The following ZNF469 variants were observed in gnomAD, a reference collection of about 807,000 sequenced individuals.
ZNF469 encodes zinc finger protein 469.
Under a neutral mutation model 1.0 loss-of-function variants are expected in ZNF469, and 1 was observed. The observed-to-expected ratio is 1.00, with a 90% CI of 0.35 to 4.73. The LOEUF (loss-of-function observed/expected upper bound fraction) is 4.73, where lower values mean the gene tolerates loss of function less well. Among genes scored for constraint, ZNF469 ranks in the 30% most tolerant of loss-of-function variants. The pLI is 0.16. For missense variants in ZNF469, 6,100 were observed against 5,356.3 expected, an observed-to-expected ratio of 1.14 and a Z score of -4.33; for synonymous variants, 2,703 against 2,363.4, an observed-to-expected ratio of 1.14 and a Z score of -4.17.
the ZNF469 span, among the ~76,000 whole-genome samples, chr16:88,371,964 CACCATCACCACCATCAT>C: frequency 2.0e-5 from 3 of 148,704 alleles, no homozygotes; most frequent in African/African-American, 5.0e-5. Flanking sequence ...CCACCATCAT[CACCATCACCACCATCAT>C]CACCATCACC....
chr16:88,169,696 T>C, the ZNF469 span, among the ~76,000 whole-genome samples: 42 of 152,350 alleles, frequency 2.8e-4, no homozygotes, highest in African/African-American at 1.0e-3. The surrounding 1 kb of genome is among the most constrained non-coding windows in gnomAD (Gnocchi z 6.1). Flanking sequence ...CGTGCTTACA[T>C]TGGCCGTCTG....
intron 1 of ZNF469, among the ~76,000 whole-genome samples, chr16:88,411,960 C>T (rs577721084): frequency 1.3e-5 from 2 of 152,294 alleles, no homozygotes; most frequent in Admixed American, 6.5e-5. Flanking sequence ...GGAGCCCTGG[C>T]GTGGTGTCGC....
the ZNF469 span, among the ~76,000 whole-genome samples, chr16:88,373,263 C>T: frequency 2.3e-4 from 35 of 152,362 alleles, no homozygotes; most frequent in African/African-American, 8.2e-4. Context: ...CACAGTCACC[C>T]TGTGCCAGGG....
chr16:88,439,461 T>C lies in ZNF469; in HGVS notation c.*129T>C, dbSNP rs1458162288. 5.8e-6 allele frequency: 6 copies of C among 1,028,914 alleles called. No individual in the cohort carries two copies. Among genetic ancestry groups the C allele is most frequent in the Non-Finnish European group, 8.8e-6 (6 of 685,590 alleles). 63.7% of individuals were successfully genotyped at this position (1,028,914 alleles called of 1,614,324 possible). A position where few individuals can be genotyped will look rare whatever the true frequency, so the allele number is the denominator to read the frequency against. ...ACTTCTTGTGCAACTGCTCAGGCCT[T>C]GATGTCAGAGCTGAGGTGGTGATGC... On this transcript the variant is annotated 3_prime_UTR_variant, in exon 3 of 3. Coordinates refer to ENST00000565624, the MANE Select transcript of ZNF469 (RefSeq NM_001367624.2).
chr16:88,432,827 CCCA>C lies in ZNF469; in HGVS notation c.5360_5362del (p.His1787del), dbSNP rs902185185. On this transcript the variant is annotated inframe_deletion, in exon 3 of 3. Transcript: ENST00000565624. ...CCAGAGCCCGGCACAGCAGACCAGC[CCCA>C]CCGAGGGGCCCCTGCTCCAGAAGCT... 1.9e-6 allele frequency: 3 copies of C among 1,550,122 alleles called. No homozygotes were observed. In the African/African-American group the frequency reaches 4.1e-5, roughly 21 times the overall value.
In ZNF469 at chr16:88,428,901, C is replaced by A. The variant is rs1241291254; in HGVS notation, c.1431C>A (p.Pro477=). 6.5e-7 allele frequency: 1 copy of A among 1,547,034 alleles called. No homozygotes were observed. The highest frequency in any genetic ancestry group is 1.2e-5 in the South Asian group (1 of 83,928). Residue 477 remains proline, a synonymous_variant, in exon 3 of 3, where the codon CCC becomes CCA. Coordinates refer to ENST00000565624, the MANE Select transcript of ZNF469 (RefSeq NM_001367624.2). ...QPSPGQRLCL[P]QSAPLPWPQV... is the part of the protein sequence containing the mutation. ...GCCCAGGCCAGCGGCTCTGCCTCCC[C>A]CAGAGTGCCCCCCTGCCTTGGCCCC...
rs780044721 is a variant in ZNF469 at position 88,436,199 on chromosome 16, C to G, written c.8729C>G (p.Thr2910Arg). 6 of 1,548,008 alleles carry G rather than the reference C, an allele frequency of 3.9e-6. No individual in the cohort carries two copies. The highest frequency in any genetic ancestry group is 2.6e-6 in the Non-Finnish European group (3 of 1,146,862). ...ACGCTGGGCCCAGCCCGCCTGCCCA[C>G]GGACCTCAGCGACTCCAGCTCCCTC... ...DPTLGPARLPTDLSDSSSLCL... is the reference protein window; with the variant it reads ...DPTLGPARLPRDLSDSSSLCL... The change falls in exon 3 of 3, where the codon ACG becomes AGG. Residue 2910 changes from threonine (T) to arginine (R), a missense_variant. Transcript: ENST00000565624.
chr16:88,250,251 C>G, the ZNF469 span, among the ~76,000 whole-genome samples: 1 of 152,232 alleles, frequency 6.6e-6, no homozygotes, highest in African/African-American at 2.4e-5. Context: ...ATTTTCACCT[C>G]TATCACCTTG....
chr16:88,428,816 C>G lies in ZNF469; in HGVS notation c.1346C>G (p.Pro449Arg), dbSNP rs1388799029. The G allele has an allele frequency of 4.5e-6, 7 of 1,547,616 alleles. No homozygotes were observed. The East Asian group carries it at 1.5e-4, about 32-fold the overall frequency. ...QLWDPTAAPYPTPPGGPLAAT... is the reference protein window; with the variant it reads ...QLWDPTAAPYRTPPGGPLAAT... ...TGGGACCCCACAGCAGCCCCTTACCCCACACCTCCTGGGGGCCCCCTGGCT... is the reference window on the plus strand; with the variant it reads ...TGGGACCCCACAGCAGCCCCTTACCGCACACCTCCTGGGGGCCCCCTGGCT... Residue 449 changes from proline (P) to arginine (R), a missense_variant, in exon 3 of 3, where the codon CCC becomes CGC. Pro to Arg is a moderately radical substitution (Grantham distance 103). Coordinates refer to ENST00000565624, the MANE Select transcript of ZNF469 (RefSeq NM_001367624.2).
the ZNF469 span, among the ~76,000 whole-genome samples, chr16:88,108,317 T>C: frequency 6.6e-6 from 1 of 152,132 alleles, no homozygotes; most frequent in African/African-American, 2.4e-5. Flanking sequence ...ACCGTCACAC[T>C]GTGGCCCTGG....
chr16:88,428,822 C>T lies in ZNF469; in HGVS notation c.1352C>T (p.Pro451Leu). The T allele has an allele frequency of 6.5e-7, 1 of 1,547,820 alleles. No homozygotes were observed. The highest frequency in any genetic ancestry group is 8.7e-7 in the Non-Finnish European group (1 of 1,146,272). ...WDPTAAPYPT[P>L]PGGPLAATRS... ...CCCACAGCAGCCCCTTACCCCACAC[C>T]TCCTGGGGGCCCCCTGGCTGCCACC... The change falls in exon 3 of 3, where the codon CCT becomes CTT. Residue 451 changes from proline to leucine, a missense_variant. Physicochemically the swap from Pro to Leu is moderately conservative, Grantham distance 98 (BLOSUM62 -3). Coordinates refer to ENST00000565624, the MANE Select transcript of ZNF469 (RefSeq NM_001367624.2).
the ZNF469 span, among the ~76,000 whole-genome samples, chr16:88,214,812 G>T: frequency 6.6e-6 from 1 of 152,116 alleles, no homozygotes; most frequent in African/African-American, 2.4e-5. Context: ...CTTCATCCAC[G>T]TCCCTGCAAA....
the ZNF469 span, among the ~76,000 whole-genome samples, chr16:88,339,904 C>T: frequency 6.7e-6 from 1 of 149,194 alleles, no homozygotes; most frequent in African/African-American, 2.5e-5. Flanking sequence ...TGGCAAAGCC[C>T]AGGTGCTTCA....
At chr16:88,315,558 A>C in the ZNF469 span, among the ~76,000 whole-genome samples, 2 of 152,074 alleles carry the variant, frequency 1.3e-5, no homozygotes. Flanking sequence ...TGGCCAGGTG[A>C]CTTTGCAGAG....
At chr16:88,387,838 C>G (rs1313227425) in intron 1 of ZNF469, among the ~76,000 whole-genome samples, 5 of 152,162 alleles carry the variant, frequency 3.3e-5, no homozygotes, top group African/African-American at 1.2e-4. Flanking sequence ...GAGCTCTGCC[C>G]CCCGCCGTGG....
the ZNF469 span, among the ~76,000 whole-genome samples, chr16:88,207,995 T>G: frequency 1.3e-5 from 2 of 152,220 alleles, no homozygotes; most frequent in African/African-American, 2.4e-5. Flanking sequence ...GCCTTTGGAA[T>G]GTATAAATGT....
intron 1 of ZNF469, among the ~76,000 whole-genome samples, chr16:88,404,144 A>T (rs1195459818): frequency 6.6e-6 from 1 of 151,952 alleles, no homozygotes; most frequent in African/African-American, 2.4e-5. Flanking sequence ...CTTTTTAAAC[A>T]TATACAAGAG....
chr16:88,332,180 TAAAC>T, the ZNF469 span, among the ~76,000 whole-genome samples: 5 of 152,242 alleles, frequency 3.3e-5, no homozygotes, highest in Non-Finnish European at 5.9e-5. Context: ...CTTTCAGAAA[TAAAC>T]AAAGTTGCAT....
chr16:88,294,491 T>C, the ZNF469 span, among the ~76,000 whole-genome samples: 3 of 152,220 alleles, frequency 2.0e-5, no homozygotes, highest in African/African-American at 7.2e-5. Flanking sequence ...CCTCCTGCCC[T>C]CTGGGCTCCC....
Sources: gnomAD v4.1 joint callset for allele counts (sites outside exome capture counted in the v4.1 genomes callset) on GRCh38, gnomAD v4.1.1 for gene constraint, Gnocchi (gnomAD v3.1) non-coding constraint, MANE v1.5 for transcripts, NCBI Gene and HGNC (gene_info 2026-07-23, HGNC 2026-07-21) for gene names.